Variants in DIAPH2 observed in about 807,000 individuals in gnomAD.
DIAPH2 encodes the protein diaphanous related formin 2, also known as protein diaphanous homolog 2.
A neutral mutation model predicts 92.7 loss-of-function variants in DIAPH2; 35 were observed. The ratio of observed to expected loss-of-function variants is 0.38; its 90% CI spans 0.29 to 0.50. The LOEUF (loss-of-function observed/expected upper bound fraction) is 0.50. Ranked by LOEUF, DIAPH2 falls within the 20% of genes least tolerant of loss-of-function variation. The pLI is 0.94. For missense variants in DIAPH2, 701 were observed against 819.5 expected (o/e 0.86, Z 1.77); for synonymous variants, 301 against 280.4 (o/e 1.07, Z -0.73).
intron 4 of DIAPH2, among the ~76,000 whole-genome samples, chrX:96,809,827 T>A (rs762677256): frequency 7.1e-5 from 8 of 112,030 alleles, no homozygotes; most frequent in Admixed American, 4.7e-4. Flanking sequence ...TTCATCCATG[T>A]CCCTGCAAAG....
intron 19 of DIAPH2, among the ~76,000 whole-genome samples, chrX:97,078,423 A>G (rs1053504830): frequency 9.0e-6 from 1 of 111,644 alleles, no homozygotes; most frequent in African/African-American, 3.3e-5. Flanking sequence ...TATTTTCATT[A>G]TCTTCTAATT....
chrX:97,185,289 T>A (rs1231633751), intron 22 of DIAPH2, among the ~76,000 whole-genome samples: 1 of 44,005 alleles, frequency 2.3e-5, no homozygotes, highest in Non-Finnish European at 3.6e-5. Context: ...AGTGAGACCC[T>A]GTCTCAAAAA....
At chrX:97,186,468 AAT>A (rs1217231710) in intron 22 of DIAPH2, among the ~76,000 whole-genome samples, 1 of 111,869 alleles carries the variant, frequency 8.9e-6, no homozygotes, top group Non-Finnish European at 1.9e-5. Context: ...CCAAAATAAA[AAT>A]ATGTTATGCA....
At chrX:97,009,267 T>C (rs1475560573) in intron 17 of DIAPH2, among the ~76,000 whole-genome samples, 1 of 111,243 alleles carries the variant, frequency 9.0e-6, no homozygotes, top group Non-Finnish European at 1.9e-5. Flanking sequence ...GCCGAAGGGC[T>C]CTTCAGGCAG....
intron 20 of DIAPH2, among the ~76,000 whole-genome samples, chrX:97,111,284 T>G (rs1024476696): frequency 4.4e-5 from 5 of 112,375 alleles, no homozygotes; most frequent in African/African-American, 1.6e-4. Flanking sequence ...CAGACTGTTT[T>G]CACACAGTCA....
At position 97,228,392 on chromosome X, in the gene DIAPH2, G is replaced by T. The variant is rs185653603; in HGVS notation, c.2720-19323G>T. Among the ~76,000 whole-genome samples, 141 of 111,639 alleles carry T rather than the reference G, an allele frequency of 1.3e-3. 1 individual carries two copies. Among genetic ancestry groups the T allele is most frequent in the African/African-American group, 4.5e-3 (137 of 30,766 alleles). ...ATTCTGTGTGTATGGTAGAAAATTT[G>T]AAAATACTATTTTTGTGGGGAGAGA... is the stretch of plus-strand genomic sequence containing the variant. On this transcript the variant is annotated intron_variant, in intron 22 of 26. Coordinates refer to ENST00000324765, the MANE Select transcript of DIAPH2 (RefSeq NM_006729.5).
At chrX:96,884,540 T>TG (rs780014781) in intron 5 of DIAPH2, 1 of 1,210,652 alleles carries the variant, frequency 8.3e-7, no homozygotes, top group Non-Finnish European at 1.1e-6. Context: ...GTCTCCATCG[T>TG]GGGGGTAATC....
At chrX:97,253,446 A>G (rs1047814714) in intron 23 of DIAPH2, among the ~76,000 whole-genome samples, 6 of 110,757 alleles carry the variant, frequency 5.4e-5, no homozygotes, top group Admixed American at 3.9e-4. Flanking sequence ...ATTATCATTT[A>G]TGATAATAAT....
At chrX:96,698,752 A>G (rs1269424388) in intron 1 of DIAPH2, among the ~76,000 whole-genome samples, 3 of 101,836 alleles carry the variant, frequency 2.9e-5, no homozygotes, top group African/African-American at 1.1e-4. Context: ...TTAAGAGATG[A>G]GGTCTTGCTC....
intron 25 of DIAPH2, among the ~76,000 whole-genome samples, chrX:97,404,680 T>G (rs1461150096): frequency 8.9e-6 from 1 of 112,084 alleles, no homozygotes; most frequent in Admixed American, 9.5e-5. Context: ...AAAATTGAAT[T>G]TTGAATGTGA....
intron 26 of DIAPH2, among the ~76,000 whole-genome samples, chrX:97,437,467 C>T (rs992039827): frequency 4.5e-5 from 5 of 110,685 alleles, no homozygotes; most frequent in African/African-American, 1.7e-4. Context: ...CTCAGAGCCT[C>T]ATGGGAAAGA....
intron 26 of DIAPH2, among the ~76,000 whole-genome samples, chrX:97,593,823 T>C (rs1453773119): frequency 9.0e-6 from 1 of 111,452 alleles, no homozygotes. Context: ...AAAGACATGA[T>C]CAGTATAGAA....
At chrX:97,310,547 T>C (rs2068784651) in intron 23 of DIAPH2, among the ~76,000 whole-genome samples, 1 of 110,858 alleles carries the variant, frequency 9.0e-6, no homozygotes, top group African/African-American at 3.3e-5. Context: ...ATTCCAAGCA[T>C]TCCAAATGCA....
intron 17 of DIAPH2, among the ~76,000 whole-genome samples, chrX:97,020,244 G>A (rs988576230): frequency 6.2e-4 from 70 of 112,018 alleles, no homozygotes; most frequent in African/African-American, 1.5e-3. Context: ...CCTTGCTTGC[G>A]CTGACTCAGG....
intron 4 of DIAPH2, among the ~76,000 whole-genome samples, chrX:96,794,959 A>G (rs1569397072): frequency 9.0e-6 from 1 of 111,666 alleles, no homozygotes; most frequent in Non-Finnish European, 1.9e-5. Context: ...TGCTTTTCCT[A>G]GTGTAACTCT....
intron 1 of DIAPH2, among the ~76,000 whole-genome samples, chrX:96,731,169 G>C (rs1352167953): frequency 1.8e-5 from 2 of 111,229 alleles, no homozygotes; most frequent in Non-Finnish European, 3.8e-5. Context: ...GTTACTTCGG[G>C]CCATCGGGGT....
chrX:96,832,395 A>T (rs759756221), intron 4 of DIAPH2, among the ~76,000 whole-genome samples: 49 of 111,557 alleles, frequency 4.4e-4, no homozygotes, highest in Non-Finnish European at 8.8e-4. Context: ...ATATTGAGAG[A>T]AGGAAACTGA....
intron 26 of DIAPH2, among the ~76,000 whole-genome samples, chrX:97,537,745 GC>G (rs2071107339): frequency 1.8e-5 from 2 of 111,867 alleles, no homozygotes; most frequent in African/African-American, 6.5e-5. Flanking sequence ...AAACCTGGTT[GC>G]CAGCAGCCAT....
intron 1 of DIAPH2, among the ~76,000 whole-genome samples, chrX:96,704,502 A>G (rs902942585): frequency 4.5e-5 from 5 of 111,578 alleles, no homozygotes; most frequent in African/African-American, 1.6e-4. Context: ...TTTCTCAGTG[A>G]CCTTCATAAA....
Sources: gnomAD v4.1 joint callset for allele counts (sites outside exome capture counted in the v4.1 genomes callset) on GRCh38, gnomAD v4.1.1 for gene constraint, MANE v1.5 for transcripts, NCBI Gene and HGNC (gene_info 2026-07-23, HGNC 2026-07-21) for gene names.